RAPGEF4: variants seen among roughly 807,000 people sequenced by gnomAD.
RAPGEF4 encodes the protein RAP guanine-nucleotide-exchange factor (GEF) 4.
RAPGEF4 carries 66 observed loss-of-function variants against 147.9 expected under a neutral mutation model. The observed-to-expected ratio is 0.45, with a 90% CI of 0.37 to 0.55. RAPGEF4 has a LOEUF of 0.55. RAPGEF4 is among the 20% of genes least tolerant of loss of function. The pLI is 0.00. For synonymous variants in RAPGEF4, 419 were observed against 442.7 expected, an observed-to-expected ratio of 0.95 and a Z score of 0.67; for missense variants, 1,071 against 1,257.3, an observed-to-expected ratio of 0.85 and a Z score of 2.24.
chr2:172,918,603 C>G (rs985370395), intron 5 of RAPGEF4, among the ~76,000 whole-genome samples: 3 of 152,166 alleles, frequency 2.0e-5, no homozygotes, highest in African/African-American at 7.2e-5. Flanking sequence ...GTATTCTTCT[C>G]TAGTGGGTCC....
intron 10 of RAPGEF4, among the ~76,000 whole-genome samples, chr2:172,968,711 A>C (rs1690129152): frequency 6.6e-6 from 1 of 152,192 alleles, no homozygotes; most frequent in Non-Finnish European, 1.5e-5. Flanking sequence ...CTAGAGCTTC[A>C]CTGACATAAG....
intron 16 of RAPGEF4, among the ~76,000 whole-genome samples, chr2:172,997,824 A>G (rs1207520799): frequency 6.6e-6 from 1 of 152,244 alleles, no homozygotes; most frequent in Non-Finnish European, 1.5e-5. Flanking sequence ...TTCAAGTTGA[A>G]GATATCATTA....
chr2:172,931,796 C>T (rs752972475), intron 6 of RAPGEF4, among the ~76,000 whole-genome samples: 7 of 152,188 alleles, frequency 4.6e-5, no homozygotes, highest in Non-Finnish European at 1.0e-4. Context: ...TTAAATCTTA[C>T]GTTTAACCAA....
intron 4 of RAPGEF4, among the ~76,000 whole-genome samples, chr2:172,839,597 T>A (rs1575002014): frequency 6.6e-6 from 1 of 151,944 alleles, no homozygotes; most frequent in Admixed American, 6.6e-5. Flanking sequence ...ACAAGGCCTT[T>A]ATGACCTGTA....
chr2:172,813,399 G>A (rs1688200726), intron 3 of RAPGEF4, among the ~76,000 whole-genome samples: 1 of 152,052 alleles, frequency 6.6e-6, no homozygotes, highest in South Asian at 2.1e-4. Context: ...ACTTTTTTTG[G>A]TACACCTTAA....
chr2:172,902,292 C>CTTATTTAT (rs1699147711), intron 4 of RAPGEF4, among the ~76,000 whole-genome samples: 1 of 106,436 alleles, frequency 9.4e-6, no homozygotes, highest in Non-Finnish European at 1.9e-5. Flanking sequence ...CTGCCTGGAT[C>CTTATTTAT]TTCTTTATTT....
intron 12 of RAPGEF4, among the ~76,000 whole-genome samples, chr2:172,986,402 T>G (rs1162490533): frequency 1.3e-5 from 2 of 152,236 alleles, no homozygotes; most frequent in African/African-American, 4.8e-5. Context: ...CAGGAAACAT[T>G]AATTGTAAAT....
At chr2:172,853,990 T>G (rs1176064365) in intron 4 of RAPGEF4, among the ~76,000 whole-genome samples, 1 of 152,064 alleles carries the variant, frequency 6.6e-6, no homozygotes, top group African/African-American at 2.4e-5. Flanking sequence ...ATTTCACTGT[T>G]GAGATTTCTT....
At chr2:173,026,424 A>G in intron 23 of RAPGEF4, 148 bp from the exon 24 acceptor site, 1 of 780,866 alleles carries the variant, frequency 1.3e-6, no homozygotes, top group Non-Finnish European at 1.9e-6. Context: ...TAGCGTTGCG[A>G]GCAGAGGCAT....
intron 6 of RAPGEF4, among the ~76,000 whole-genome samples, chr2:172,945,271 A>G (rs1229346481): frequency 6.6e-6 from 1 of 152,104 alleles, no homozygotes; most frequent in Non-Finnish European, 1.5e-5. Context: ...TTTATATGGT[A>G]TGCTTTTAGG....
chr2:172,796,545 A>G (rs1422365919), intron 2 of RAPGEF4, among the ~76,000 whole-genome samples: 3 of 152,110 alleles, frequency 2.0e-5, no homozygotes, highest in Non-Finnish European at 2.9e-5. Flanking sequence ...AGATTGCGCC[A>G]TTGCACTCTG....
Position 173,018,979 on chromosome 2 carries a change from TC to T in RAPGEF4, c.2155+181del, listed in dbSNP as rs1483507000. On this transcript the variant is annotated intron_variant, in intron 22 of 30. Coordinates refer to ENST00000397081, the MANE Select transcript of RAPGEF4 (RefSeq NM_007023.4). ...GTAGAGGTGGGTTGGGTTTCTAATG[TC>T]CCCTATCTGGTAGGTACCCACTCTA... Among the ~76,000 whole-genome samples, 4 of 152,262 alleles carry T rather than the reference TC, an allele frequency of 2.6e-5. No individual in the cohort carries two copies. The East Asian group carries it at 7.7e-4, about 29-fold the overall frequency.
At chr2:172,788,653 A>G (rs1196623800) in intron 1 of RAPGEF4, among the ~76,000 whole-genome samples, 1 of 152,094 alleles carries the variant, frequency 6.6e-6, no homozygotes, top group Non-Finnish European at 1.5e-5. Context: ...GGGAGACCGA[A>G]GCAGGAGGAT....
chr2:172,869,337 T>A (rs1248119957), intron 4 of RAPGEF4, among the ~76,000 whole-genome samples: 1 of 152,158 alleles, frequency 6.6e-6, no homozygotes, highest in Admixed American at 6.5e-5. Flanking sequence ...TTTAAAAAAA[T>A]TAATATGTGC....
Position 172,838,056 on chromosome 2 carries a change from G to A in RAPGEF4, c.444+23631G>A, listed in dbSNP as rs185927915. ...CAATCAAGAGATACTTTGGAAAAGA[G>A]CACCCTCTTAGAATACCAGAAGAAT... On this transcript the variant is annotated intron_variant, in intron 4 of 30. Coordinates refer to ENST00000397081, the MANE Select transcript of RAPGEF4 (RefSeq NM_007023.4). 4.1e-4 allele frequency among the ~76,000 whole-genome samples: 63 copies of A among 152,248 alleles called. 1 individual carries two copies. Among genetic ancestry groups the A allele is most frequent in the Admixed American group, 3.5e-3 (54 of 15,288 alleles).
chr2:172,848,796 G>T (rs1268635808), intron 4 of RAPGEF4, among the ~76,000 whole-genome samples: 1 of 152,130 alleles, frequency 6.6e-6, no homozygotes, highest in Non-Finnish European at 1.5e-5. Context: ...ACCCACTTCA[G>T]CTTCTTATAA....
rs537799873 is a variant in RAPGEF4, at chr2:172,996,989, C to G, written c.1579+435C>G. ...AGAGTCCAGCTGCTCTAGAATATAA[C>G]TAAATGCCACCATTCGTTTGCTAGG... On this transcript the variant is annotated intron_variant, in intron 16 of 30. Transcript: ENST00000397081. Among the ~76,000 whole-genome samples the G allele has an allele frequency of 2.6e-5, 4 of 152,352 alleles. 1 individual carries two copies. Among genetic ancestry groups the G allele is most frequent in the African/African-American group, 9.6e-5 (4 of 41,580 alleles).
At chr2:173,034,377 C>T (rs143107726) in intron 27 of RAPGEF4, among the ~76,000 whole-genome samples, 6 of 152,130 alleles carry the variant, frequency 3.9e-5, no homozygotes, top group East Asian at 1.9e-4. Context: ...GGACAGGGAT[C>T]GGCTGTGCAG....
chr2:172,882,017 C>T (rs1204158058), intron 4 of RAPGEF4, among the ~76,000 whole-genome samples: 1 of 152,128 alleles, frequency 6.6e-6, no homozygotes, highest in Non-Finnish European at 1.5e-5. Context: ...TTTAGACATA[C>T]AGATGGGAAA....
Sources: gnomAD v4.1 joint callset for allele counts (sites outside exome capture counted in the v4.1 genomes callset) on GRCh38, gnomAD v4.1.1 for gene constraint, MANE v1.5 for transcripts, NCBI Gene and HGNC (gene_info 2026-07-23, HGNC 2026-07-21) for gene names.